The following ARHGAP15 variants were observed in gnomAD, a reference collection of about 807,000 sequenced individuals.
ARHGAP15 encodes the protein rho GTPase-activating protein 15.
A neutral mutation model predicts 63.7 loss-of-function variants in ARHGAP15; 51 were observed. The observed-to-expected ratio is 0.80, with a 90% confidence interval of 0.64 to 1.01. The LOEUF (loss-of-function observed/expected upper bound fraction) is 1.01. Ranked by LOEUF, ARHGAP15 falls within the 50% of genes least tolerant of loss-of-function variation. The probability of loss-of-function intolerance (pLI) is 0.00; values close to 1 mark genes in which losing one functional copy is unlikely to be tolerated. For missense variants in ARHGAP15, 560 were observed against 564.6 expected, an observed-to-expected ratio of 0.99 and a Z score of 0.08; for synonymous variants, 191 against 193.8, an observed-to-expected ratio of 0.99 and a Z score of 0.12.
chr2:143,421,244 G>T (rs1688904638), intron 6 of ARHGAP15, among the ~76,000 whole-genome samples: 1 of 152,108 alleles, frequency 6.6e-6, no homozygotes, highest in Non-Finnish European at 1.5e-5. Context: ...TCAAATGGCA[G>T]GAAAGGACTT....
Position 143,274,630 on chromosome 2 carries a change from C to T in ARHGAP15, c.474+24030C>T, listed in dbSNP as rs1681451639. 2.0e-5 allele frequency among the ~76,000 whole-genome samples: 3 copies of T among 152,294 alleles called. No individual in the cohort carries two copies. In the South Asian group the frequency reaches 6.2e-4, roughly 32 times the overall value. On this transcript the variant is annotated intron_variant, in intron 6 of 13. Coordinates refer to ENST00000295095, the MANE Select transcript of ARHGAP15 (RefSeq NM_018460.4). ...AGAAGGAAGTTAGACTTCCACAGCA[C>T]AATCTAATAACTGTCTCATGTTACC... is the stretch of plus-strand genomic sequence containing the variant.
intron 2 of ARHGAP15, among the ~76,000 whole-genome samples, chr2:143,177,289 A>G (rs893755735): frequency 6.6e-6 from 1 of 152,020 alleles, no homozygotes; most frequent in African/African-American, 2.4e-5. Flanking sequence ...TGCTTAGAGT[A>G]CTCTGTCGTA....
intron 12 of ARHGAP15, among the ~76,000 whole-genome samples, chr2:143,625,577 C>T (rs927914324): frequency 6.6e-6 from 1 of 152,096 alleles, no homozygotes; most frequent in Admixed American, 6.6e-5. Context: ...CATCTCATGA[C>T]CCCTCTACTT....
chr2:143,331,137 C>A (rs1684529428), intron 6 of ARHGAP15, among the ~76,000 whole-genome samples: 1 of 152,152 alleles, frequency 6.6e-6, no homozygotes, highest in Non-Finnish European at 1.5e-5. Context: ...CACACATAAA[C>A]CAGAGTTGTC....
intron 13 of ARHGAP15, among the ~76,000 whole-genome samples, chr2:143,746,958 A>G (rs1686189157): frequency 6.6e-6 from 1 of 152,098 alleles, no homozygotes; most frequent in Admixed American, 6.6e-5. Context: ...AGGTAAATTG[A>G]CCTCTAAGCC....
intron 11 of ARHGAP15, among the ~76,000 whole-genome samples, chr2:143,587,071 G>T (rs2105159202): frequency 6.6e-6 from 1 of 152,142 alleles, no homozygotes; most frequent in African/African-American, 2.4e-5. Context: ...AAATGATTTT[G>T]CCTTCAGTAC....
chr2:143,476,153 T>A (rs556787509), intron 8 of ARHGAP15, among the ~76,000 whole-genome samples: 113 of 152,298 alleles, frequency 7.4e-4, no homozygotes, highest in Non-Finnish European at 1.2e-3. Flanking sequence ...TCTTAAAGGA[T>A]AAAAACTATT....
chr2:143,703,394 C>A (rs758957447), intron 12 of ARHGAP15, 25 bp from the exon 13 acceptor site: 5 of 1,584,374 alleles, frequency 3.2e-6, no homozygotes, highest in Middle Eastern at 1.7e-4. Context: ...TTTTCCCTAA[C>A]CTTCCTTTTT....
intron 13 of ARHGAP15, chr2:143,706,514 T>G (rs1684334447): frequency 6.6e-6 from 1 of 152,192 alleles, no homozygotes; most frequent in South Asian, 2.1e-4. Flanking sequence ...TGCAGAGCTC[T>G]GAGTTAAATG....
chr2:143,422,499 A>G lies in ARHGAP15; in HGVS notation c.475-13102A>G, dbSNP rs552357169. On this transcript the variant is annotated intron_variant, in intron 6 of 13. Transcript: ENST00000295095. ...AGGAAGTGTGTCTTCTGGACAGAAT[A>G]CAGAACCCAAAAAGTAAGATAACAA... Among the ~76,000 whole-genome samples the G allele has an allele frequency of 1.8e-3, 275 of 152,264 alleles. 1 individual carries two copies. Among genetic ancestry groups the G allele is most frequent in the African/African-American group, 6.5e-3 (269 of 41,560 alleles).
intron 6 of ARHGAP15, among the ~76,000 whole-genome samples, chr2:143,414,550 A>AG (rs1053575952): frequency 1.3e-5 from 2 of 152,196 alleles, no homozygotes; most frequent in Non-Finnish European, 2.9e-5. Context: ...TGTACCTGAA[A>AG]GAGCATAAGG....
At chr2:143,413,966 T>TGCGCGC (rs1553476592) in intron 6 of ARHGAP15, among the ~76,000 whole-genome samples, 103 of 117,914 alleles carry the variant, frequency 8.7e-4, no homozygotes, top group African/African-American at 3.4e-3. Context: ...TGTGTGTGTG[T>TGCGCGC]GCGCGCTCTC....
chr2:143,311,004 G>C (rs1273614951), intron 6 of ARHGAP15, among the ~76,000 whole-genome samples: 1 of 151,918 alleles, frequency 6.6e-6, no homozygotes, highest in African/African-American at 2.4e-5. Context: ...GTTTCAAATA[G>C]AAAAACATAT....
rs183567878 is a variant in ARHGAP15, at chr2:143,315,903, G to A, written c.474+65303G>A. On this transcript the variant is annotated intron_variant, in intron 6 of 13. Transcript: ENST00000295095. Reference sequence around the variant, plus strand: ...AGTTCAAGATCAGCCTGGCCAACACGGTGAAACTGCGTCTGTACTAAAAAT... The same window carrying A: ...AGTTCAAGATCAGCCTGGCCAACACAGTGAAACTGCGTCTGTACTAAAAAT... 7.2e-4 allele frequency among the ~76,000 whole-genome samples: 109 copies of A among 152,032 alleles called. No homozygotes were observed. In the East Asian group the frequency reaches 0.018, roughly 25 times the overall value.
At chr2:143,145,839 G>T (rs1023698111) in intron 1 of ARHGAP15, among the ~76,000 whole-genome samples, 4 of 142,724 alleles carry the variant, frequency 2.8e-5, no homozygotes, top group East Asian at 2.1e-4. Context: ...TATGTATAGG[G>T]GTGTGTGTGT....
intron 10 of ARHGAP15, among the ~76,000 whole-genome samples, chr2:143,553,215 T>G (rs1695648916): frequency 6.6e-6 from 1 of 152,236 alleles, no homozygotes; most frequent in Non-Finnish European, 1.5e-5. Context: ...CACTGATATG[T>G]TCCAGATTAT....
intron 6 of ARHGAP15, among the ~76,000 whole-genome samples, chr2:143,376,333 A>G (rs1168658861): frequency 6.6e-6 from 1 of 152,152 alleles, no homozygotes; most frequent in Non-Finnish European, 1.5e-5. Flanking sequence ...GGTTTTACTT[A>G]CCTTCAATTG....
intron 6 of ARHGAP15, among the ~76,000 whole-genome samples, chr2:143,344,824 A>G (rs2105295482): frequency 6.6e-6 from 1 of 152,282 alleles, no homozygotes; most frequent in East Asian, 1.9e-4. Context: ...GAGAAAGGCA[A>G]TAAACAAATA....
intron 8 of ARHGAP15, among the ~76,000 whole-genome samples, chr2:143,479,905 T>A (rs948116544): frequency 6.6e-6 from 1 of 151,860 alleles, no homozygotes; most frequent in African/African-American, 2.4e-5. Flanking sequence ...CTCTGGCTTA[T>A]AAAAGGAAAC....
Sources: gnomAD v4.1 joint callset for allele counts (sites outside exome capture counted in the v4.1 genomes callset) on GRCh38, gnomAD v4.1.1 for gene constraint, MANE v1.5 for transcripts, NCBI Gene and HGNC (gene_info 2026-07-23, HGNC 2026-07-21) for gene names.